FYTTD1: variants seen among roughly 807,000 people sequenced by gnomAD.
FYTTD1 encodes the protein UAP56-interacting factor.
Under a neutral mutation model 40.9 loss-of-function variants are expected in FYTTD1, and 22 were observed. The observed-to-expected ratio is 0.54, with a 90% CI of 0.38 to 0.77. The LOEUF (loss-of-function observed/expected upper bound fraction) is 0.77. FYTTD1 is among the 30% of genes least tolerant of loss of function. The pLI is 0.00. For synonymous variants in FYTTD1, 140 were observed against 137.9 expected, an observed-to-expected ratio of 1.01 and a Z score of -0.10; for missense variants, 351 against 392.2, an observed-to-expected ratio of 0.90 and a Z score of 0.89.
chr3:197,771,636 G>A (rs1272344498), intron 4 of FYTTD1, among the ~76,000 whole-genome samples: 1 of 151,896 alleles, frequency 6.6e-6, no homozygotes, highest in East Asian at 1.9e-4. Context: ...AATTAGCCGG[G>A]CGTGGTGGCG....
intron 1 of FYTTD1, chr3:197,750,874 C>A: frequency 2.0e-6 from 2 of 983,704 alleles, no homozygotes; most frequent in Non-Finnish European, 2.4e-6. Flanking sequence ...GGTTTCTTGC[C>A]GATTATATAA....
intron 4 of FYTTD1, among the ~76,000 whole-genome samples, chr3:197,770,515 A>T (rs1729686146): frequency 6.6e-6 from 1 of 152,186 alleles, no homozygotes; most frequent in Non-Finnish European, 1.5e-5. Context: ...AAAATTGCAA[A>T]AGCTGATCAC....
At chr3:197,750,548 A>G (rs1728986355) in intron 1 of FYTTD1, 1 of 985,256 alleles carries the variant, frequency 1.0e-6, no homozygotes, top group Admixed American at 6.2e-5. Flanking sequence ...GCGGTCGGTT[A>G]AACCAGCGCT....
chr3:197,754,355 C>T (rs1729151457), intron 1 of FYTTD1, among the ~76,000 whole-genome samples: 1 of 152,006 alleles, frequency 6.6e-6, no homozygotes, highest in Admixed American at 6.6e-5. Context: ...TTCAAGAAGA[C>T]AACTAAATAT....
At chr3:197,757,843 G>T (rs933940100) in intron 2 of FYTTD1, among the ~76,000 whole-genome samples, 2 of 152,222 alleles carry the variant, frequency 1.3e-5, no homozygotes, top group Non-Finnish European at 2.9e-5. Context: ...TTGAACCTAA[G>T]GGAGTAAATT....
chr3:197,765,726 G>A (rs1281532108), intron 2 of FYTTD1, among the ~76,000 whole-genome samples: 1 of 152,036 alleles, frequency 6.6e-6, no homozygotes. Flanking sequence ...TCCGGGCGCA[G>A]TGGCTCACAC....
intron 2 of FYTTD1, among the ~76,000 whole-genome samples, chr3:197,764,490 A>G (rs1729480405): frequency 2.0e-5 from 3 of 152,098 alleles, no homozygotes; most frequent in Admixed American, 2.0e-4. Context: ...TGGGCAGATT[A>G]CGAGGTCAGG....
chr3:197,776,380 ATTTGT>A (rs1729875224), intron 6 of FYTTD1, among the ~76,000 whole-genome samples: 1 of 117,534 alleles, frequency 8.5e-6, no homozygotes. Flanking sequence ...CCCAGCTTAA[ATTTGT>A]TTTTTTTTTT....
At chr3:197,752,040 T>G (rs1729073632) in intron 1 of FYTTD1, among the ~76,000 whole-genome samples, 1 of 152,118 alleles carries the variant, frequency 6.6e-6, no homozygotes, top group Non-Finnish European at 1.5e-5. Flanking sequence ...GGTGGCCGGC[T>G]AATTTTCATA....
intron 2 of FYTTD1, among the ~76,000 whole-genome samples, chr3:197,764,767 A>G (rs567691686): frequency 3.3e-5 from 5 of 151,446 alleles, no homozygotes; most frequent in Non-Finnish European, 7.4e-5. Context: ...AAAAAACAGC[A>G]GAAAGATTGA....
intron 8 of FYTTD1, among the ~76,000 whole-genome samples, chr3:197,779,878 C>T (rs1257421180): frequency 1.4e-5 from 2 of 147,420 alleles, no homozygotes; most frequent in Non-Finnish European, 3.0e-5. Flanking sequence ...CAGGCACACA[C>T]TGCCACACCT....
intron 1 of FYTTD1, among the ~76,000 whole-genome samples, chr3:197,752,012 C>T (rs1209059332): frequency 2.0e-5 from 3 of 152,100 alleles, no homozygotes; most frequent in Non-Finnish European, 2.9e-5. Flanking sequence ...GCTGTGATTA[C>T]AGGCACACGC....
chr3:197,775,648 G>A (rs1729854859), intron 6 of FYTTD1, among the ~76,000 whole-genome samples: 1 of 152,228 alleles, frequency 6.6e-6, no homozygotes, highest in African/African-American at 2.4e-5. Context: ...AGAGCTGGCT[G>A]TAAAACATGG....
chr3:197,760,734 C>T (rs1417117888), intron 2 of FYTTD1, among the ~76,000 whole-genome samples: 1 of 150,706 alleles, frequency 6.6e-6, no homozygotes, highest in African/African-American at 2.4e-5. Context: ...ATAGAGTGTT[C>T]TTCAGTGGTA....
intron 1 of FYTTD1, chr3:197,755,770 G>A (rs895972005): frequency 3.2e-6 from 5 of 1,548,818 alleles, no homozygotes; most frequent in Non-Finnish European, 3.5e-6. Flanking sequence ...TTATAGGTGT[G>A]AGTCACCATG....
At chr3:197,762,964 A>G (rs558451571) in intron 2 of FYTTD1, among the ~76,000 whole-genome samples, 1 of 152,298 alleles carries the variant, frequency 6.6e-6, no homozygotes, top group East Asian at 1.9e-4. Flanking sequence ...ATACATGTTT[A>G]CCTGTGTAAC....
rs1318161922 is a variant in FYTTD1 at position 197,784,205 on chromosome 3, A to G, written c.*2296A>G. On this transcript the variant is annotated 3_prime_UTR_variant, in exon 9 of 9. Coordinates refer to ENST00000241502, the MANE Select transcript of FYTTD1 (RefSeq NM_032288.7). ...TGTATTTAACGAGGAGGTGCTTTAC[A>G]CTGTACTTTTTGGTGTTTTTTGGAA... 6.6e-6 allele frequency: 1 copy of G among 152,542 alleles called. No homozygotes were observed. Among genetic ancestry groups the G allele is most frequent in the Non-Finnish European group, 1.5e-5 (1 of 68,010 alleles). 9.4% of individuals were successfully genotyped at this position (152,542 alleles called of 1,614,324 possible). A position where few individuals can be genotyped will look rare whatever the true frequency, so the allele number is the denominator to read the frequency against.
At chr3:197,750,161 G>C (rs929038069) in intron 1 of FYTTD1, 87 bp downstream of exon 1, 40 of 1,032,584 alleles carry the variant, frequency 3.9e-5, no homozygotes, top group Non-Finnish European at 5.0e-5. Flanking sequence ...AGGGGCGGTC[G>C]GCAGCAGTTG....
chr3:197,773,601 G>T, intron 5 of FYTTD1, 102 bp downstream of exon 5: 1 of 668,142 alleles, frequency 1.5e-6, no homozygotes, highest in Non-Finnish European at 2.6e-6. Flanking sequence ...AGGCAGCATT[G>T]GGTTCAGGAT....
Sources: gnomAD v4.1 joint callset for allele counts (sites outside exome capture counted in the v4.1 genomes callset) on GRCh38, gnomAD v4.1.1 for gene constraint, MANE v1.5 for transcripts, NCBI Gene and HGNC (gene_info 2026-07-23, HGNC 2026-07-21) for gene names.